Variants in CAMK1D observed in about 807,000 individuals in gnomAD.
CAMK1D encodes the protein calcium/calmodulin-dependent protein kinase type 1D.
CAMK1D carries 9 observed loss-of-function variants against 47.7 expected under a neutral mutation model. That is an observed-to-expected ratio of 0.19 (90% CI 0.11 to 0.33). The LOEUF (loss-of-function observed/expected upper bound fraction) is 0.33, where lower values mean the gene tolerates loss of function less well. CAMK1D is among the 10% of genes least tolerant of loss of function. The pLI is 1.00. For synonymous variants in CAMK1D, 184 were observed against 184.9 expected (o/e 0.99, Z 0.04); for missense variants, 291 against 488.7 (o/e 0.60, Z 3.81).
intron 3 of CAMK1D, among the ~76,000 whole-genome samples, chr10:12,670,321 T>A (rs1038001833): frequency 7.9e-5 from 12 of 152,166 alleles, no homozygotes; most frequent in African/African-American, 2.7e-4. Flanking sequence ...TTGTATATCT[T>A]CTTTTATGAA....
rs190757536 is a variant in CAMK1D, at chr10:12,767,339, G to A, written c.439-2334G>A. ...ATTACAGGCGCCCGCCACCATGCCT[G>A]GGTAATTTTGTATTTTTAGTAGAGA... On this transcript the variant is annotated intron_variant, in intron 4 of 10. Coordinates refer to ENST00000619168, the MANE Select transcript of CAMK1D (RefSeq NM_153498.4). Among the ~76,000 whole-genome samples the A allele has an allele frequency of 5.1e-3, 783 of 152,096 alleles. 19 individuals carry two copies. Among genetic ancestry groups the A allele is most frequent in the Non-Finnish European group, 1.2e-3 (80 of 67,994 alleles).
chr10:12,782,098 G>C (rs1837526536), intron 5 of CAMK1D, among the ~76,000 whole-genome samples: 1 of 150,712 alleles, frequency 6.6e-6, no homozygotes, highest in African/African-American at 2.4e-5. Context: ...GAAAAGATCA[G>C]AGCTGTCCCA....
chr10:12,515,271 A>G (rs1251046575), intron 1 of CAMK1D, among the ~76,000 whole-genome samples: 1 of 151,988 alleles, frequency 6.6e-6, no homozygotes, highest in South Asian at 2.1e-4. Context: ...CCACCACCAC[A>G]ATCGGATACA....
At chr10:12,805,087 C>T (rs959672100) in intron 6 of CAMK1D, among the ~76,000 whole-genome samples, 12 of 151,672 alleles carry the variant, frequency 7.9e-5, no homozygotes, top group East Asian at 2.0e-4. Flanking sequence ...GGTGAAACCC[C>T]GTCTCTACTA....
At chr10:12,694,328 A>AC (rs1351458231) in intron 3 of CAMK1D, among the ~76,000 whole-genome samples, 1 of 44,664 alleles carries the variant, frequency 2.2e-5, no homozygotes, top group African/African-American at 8.8e-5. Flanking sequence ...ATAATATATA[A>AC]AGTATATATA....
At chr10:12,454,984 G>A (rs1177473577) in intron 1 of CAMK1D, among the ~76,000 whole-genome samples, 1 of 152,194 alleles carries the variant, frequency 6.6e-6, no homozygotes, top group Non-Finnish European at 1.5e-5. Context: ...CCGGCTGGCC[G>A]AGTACAGTCT....
rs142931493 is a variant in CAMK1D at position 12,360,093 on chromosome 10, C to T, written c.92+10183C>T. 9.5e-3 allele frequency among the ~76,000 whole-genome samples: 1,444 copies of T among 152,258 alleles called. 14 individuals carry two copies. The highest frequency in any genetic ancestry group is 0.033 in the African/African-American group (1,383 of 41,556). ...GATTTACTGGTGCCTCTATCACAGG[C>T]TGAGCAGAGGAAGAAAAAGCTCCTC... is the stretch of plus-strand genomic sequence containing the variant. On this transcript the variant is annotated intron_variant, in intron 1 of 10. Coordinates refer to ENST00000619168, the MANE Select transcript of CAMK1D (RefSeq NM_153498.4).
intron 1 of CAMK1D, among the ~76,000 whole-genome samples, chr10:12,509,901 A>G (rs564411972): frequency 6.6e-6 from 1 of 152,360 alleles, no homozygotes; most frequent in Admixed American, 6.5e-5. Flanking sequence ...AACTGGGTGA[A>G]TTACATGAAG....
intron 2 of CAMK1D, among the ~76,000 whole-genome samples, chr10:12,633,948 G>T (rs904519048): frequency 6.6e-6 from 1 of 152,178 alleles, no homozygotes; most frequent in Non-Finnish European, 1.5e-5. Context: ...GCCGTGGTCC[G>T]TGGAGTTTGA....
At chr10:12,681,461 C>G (rs567156057) in intron 3 of CAMK1D, among the ~76,000 whole-genome samples, 22 of 152,374 alleles carry the variant, frequency 1.4e-4, no homozygotes, top group African/African-American at 5.0e-4. Flanking sequence ...GCCTCCGCTC[C>G]TGCAGCAGGG....
chr10:12,418,432 C>T (rs1393508883), intron 1 of CAMK1D, among the ~76,000 whole-genome samples: 2 of 152,098 alleles, frequency 1.3e-5, no homozygotes, highest in East Asian at 3.8e-4. Flanking sequence ...TAGCCACATC[C>T]TCATTTCTAC....
At chr10:12,503,510 G>C (rs1412282230) in intron 1 of CAMK1D, among the ~76,000 whole-genome samples, 1 of 152,188 alleles carries the variant, frequency 6.6e-6, no homozygotes, top group Admixed American at 6.5e-5. Flanking sequence ...AGGGGGGCCT[G>C]TGAGAGAGAA....
intron 3 of CAMK1D, among the ~76,000 whole-genome samples, chr10:12,716,649 G>A (rs1834147797): frequency 6.6e-6 from 1 of 152,130 alleles, no homozygotes; most frequent in Non-Finnish European, 1.5e-5. Flanking sequence ...CCGAGATGAA[G>A]GCTACGACTG....
chr10:12,544,355 A>G (rs1836291931), intron 1 of CAMK1D, among the ~76,000 whole-genome samples: 1 of 152,210 alleles, frequency 6.6e-6, no homozygotes, highest in South Asian at 2.1e-4. Context: ...TATTTCTCCC[A>G]CAGTTATGCA....
intron 1 of CAMK1D, among the ~76,000 whole-genome samples, chr10:12,409,479 T>C (rs1229114740): frequency 6.6e-6 from 1 of 152,244 alleles, no homozygotes; most frequent in Non-Finnish European, 1.5e-5. Context: ...TGGCGGGCTC[T>C]TGCTACGTGG....
intron 2 of CAMK1D, among the ~76,000 whole-genome samples, chr10:12,588,896 GTGTGTGTGTA>G (rs1299714563): frequency 2.0e-3 from 296 of 149,326 alleles, no homozygotes; most frequent in African/African-American, 6.6e-3. Flanking sequence ...GTGCGTGTGT[GTGTGTGTGTA>G]TATATAACAT....
chr10:12,801,734 A>G (rs574081665), intron 6 of CAMK1D, among the ~76,000 whole-genome samples: 15 of 152,300 alleles, frequency 9.8e-5, no homozygotes, highest in Non-Finnish European at 8.8e-5. Context: ...ATCTATATCT[A>G]TCCATCACCT....
In CAMK1D at chr10:12,792,955, TGCGC is replaced by T. The variant is rs45487200; in HGVS notation, c.641+1725_641+1728del. 5.9e-5 allele frequency among the ~76,000 whole-genome samples: 6 copies of T among 101,344 alleles called. No homozygotes were observed. The East Asian group carries it at 9.7e-4, about 16-fold the overall frequency. The allele number at this position is 101,344 out of a possible 152,430, so 66.5% of individuals were successfully genotyped here. A position where few individuals can be genotyped will look rare whatever the true frequency, so the allele number is the denominator to read the frequency against. ...CTATCCCCTAATAAAATCACATGTG[TGCGC>T]GCACACACACACACACACACACACG... On this transcript the variant is annotated intron_variant, in intron 6 of 10. Coordinates refer to ENST00000619168, the MANE Select transcript of CAMK1D (RefSeq NM_153498.4).
At chr10:12,572,785 A>G (rs1382119646) in intron 2 of CAMK1D, among the ~76,000 whole-genome samples, 1 of 152,110 alleles carries the variant, frequency 6.6e-6, no homozygotes, top group Admixed American at 6.5e-5. Context: ...GCATGCCACC[A>G]TGCACGACTA....
Sources: allele counts gnomAD v4.1 joint callset (sites outside exome capture counted in the v4.1 genomes callset), GRCh38; gene constraint gnomAD v4.1.1; transcripts MANE v1.5; gene names NCBI Gene and HGNC (gene_info 2026-07-23, HGNC 2026-07-21).